The following DNAH8 variants were observed in gnomAD, a reference collection of about 807,000 sequenced individuals.
DNAH8 encodes axonemal beta dynein heavy chain 8.
In DNAH8, 382 loss-of-function variants were observed where a neutral mutation model predicts 562.1. That is an observed-to-expected ratio of 0.68 (90% CI 0.63 to 0.74). The LOEUF is 0.74. DNAH8 is among the 30% of genes least tolerant of loss of function. The probability of loss-of-function intolerance (pLI) is 0.00; values close to 1 mark genes in which losing one functional copy is unlikely to be tolerated. For missense variants in DNAH8, 5,203 were observed against 5,620.4 expected (o/e 0.93, Z 2.37); for synonymous variants, 1,881 against 1,919.4 (o/e 0.98, Z 0.52).
At chr6:38,783,622 ACTGTGT>A (rs1768857632) in intron 17 of DNAH8, among the ~76,000 whole-genome samples, 1 of 152,024 alleles carries the variant, frequency 6.6e-6, no homozygotes, top group African/African-American at 2.4e-5. Flanking sequence ...GTTTTAGTGC[ACTGTGT>A]CTGCGTGCCT....
intron 81 of DNAH8, among the ~76,000 whole-genome samples, 176 bp from the exon 82 acceptor site, chr6:38,951,142 G>T (rs1181821669): frequency 6.6e-6 from 1 of 152,160 alleles, no homozygotes; most frequent in African/African-American, 2.4e-5. Context: ...AAAACCACAC[G>T]ATTAAGTTTG....
At chr6:38,869,112 C>T (rs943804558) in intron 48 of DNAH8, among the ~76,000 whole-genome samples, 2 of 152,194 alleles carry the variant, frequency 1.3e-5, no homozygotes, top group South Asian at 2.1e-4. Context: ...ATTCTAGTTA[C>T]AAAAACTAAC....
intron 62 of DNAH8, among the ~76,000 whole-genome samples, chr6:38,903,612 CTTTTTTT>C (rs756414599): frequency 2.3e-5 from 3 of 129,444 alleles, no homozygotes; most frequent in Non-Finnish European, 4.8e-5. Context: ...TTCTTTCTTC[CTTTTTTT>C]TTTTTTTTTT....
chr6:38,872,465 C>T, intron 49 of DNAH8, 71 bp from the exon 50 acceptor site: 1 of 1,500,442 alleles, frequency 6.7e-7, no homozygotes, highest in Non-Finnish European at 9.1e-7. Flanking sequence ...CTTTAATCTT[C>T]AAGTAGCTAC....
At position 38,924,041 on chromosome 6, in the gene DNAH8, C is replaced by T. The variant is rs368846740; in HGVS notation, c.10841C>T (p.Pro3614Leu). Residue 3614 changes from proline (P) to leucine (L), a missense_variant, in exon 73 of 93, where the codon CCT becomes CTT. Pro to Leu is a moderately conservative substitution (Grantham distance 98, BLOSUM62 -3). This residue lies in a region of DNAH8 where 1,399 missense variants were observed against 1,518.4 expected (regional missense o/e 0.92). Transcript: ENST00000327475. ...LCTGFLSYLG[P>L]FNQIFRNYLL... Reference sequence around the variant, plus strand: ...ACGGGATTCCTTTCCTACCTTGGTCCTTTCAATCAGATATTTAGGAACTAT... The same window carrying T: ...ACGGGATTCCTTTCCTACCTTGGTCTTTTCAATCAGATATTTAGGAACTAT... 49 of 1,613,868 alleles carry T rather than the reference C, an allele frequency of 3.0e-5. No individual in the cohort carries two copies. In the African/African-American group the frequency reaches 5.7e-4, roughly 19 times the overall value.
intron 82 of DNAH8, among the ~76,000 whole-genome samples, chr6:38,961,573 CAAT>C (rs902954995): frequency 6.6e-6 from 1 of 151,894 alleles, no homozygotes; most frequent in African/African-American, 2.4e-5. Flanking sequence ...CTCATCACAA[CAAT>C]AAGAGAAAAA....
intron 26 of DNAH8, among the ~76,000 whole-genome samples, chr6:38,819,337 A>T (rs972293293): frequency 6.6e-6 from 1 of 152,174 alleles, no homozygotes; most frequent in African/African-American, 2.4e-5. Flanking sequence ...TTAGAGAGGT[A>T]CCTAGAGAGG....
chr6:38,778,412 A>G lies in DNAH8; in HGVS notation c.1987A>G (p.Ser663Gly). 6.3e-7 allele frequency: 1 copy of G among 1,583,718 alleles called. No homozygotes were observed. Among genetic ancestry groups the G allele is most frequent in the South Asian group, 1.1e-5 (1 of 89,482 alleles). ...GGTACAAATACAGGCATTTATGAAC[A>G]GTAGTTTTGGGAAAATCTTATCTTC... The part of the protein sequence containing the change: ...LEVQIQAFMN[S>G]SFGKILSSQQ... Residue 663 changes from serine (S) to glycine (G), a missense_variant, in exon 14 of 93, where the codon AGT becomes GGT. Ser to Gly is a moderately conservative substitution (Grantham distance 56, BLOSUM62 0). Coordinates refer to ENST00000327475, the MANE Select transcript of DNAH8 (RefSeq NM_001206927.2).
chr6:38,749,364 G>A (rs1765228122), intron 8 of DNAH8, among the ~76,000 whole-genome samples: 1 of 152,020 alleles, frequency 6.6e-6, no homozygotes, highest in Admixed American at 6.6e-5. Flanking sequence ...ACACACTGGA[G>A]CCTGTCAGGG....
rs924945215 is a variant in DNAH8 at position 38,741,695 on chromosome 6, A to T, written c.1117-16A>T. The T allele has an allele frequency of 1.9e-6, 3 of 1,566,866 alleles. No homozygotes were observed. The highest frequency in any genetic ancestry group is 2.6e-6 in the Non-Finnish European group (3 of 1,161,914). ...AATGTAACATTTCTATATTTTATAA[A>T]TTTTTTTGACTGCAGGTACTTATTG... On this transcript the variant is annotated splice_polypyrimidine_tract_variant and intron_variant, in intron 7 of 92. Transcript: ENST00000327475.
intron 21 of DNAH8, among the ~76,000 whole-genome samples, chr6:38,794,477 C>A (rs926400524): frequency 6.6e-6 from 1 of 152,120 alleles, no homozygotes; most frequent in African/African-American, 2.4e-5. Flanking sequence ...ATATGATACA[C>A]CCTTGTAACT....
rs1766296565 is a variant in DNAH8, at chr6:39,012,644, G to A, written c.13714+7G>A. The A allele has an allele frequency of 6.2e-7, 1 of 1,607,918 alleles. No homozygotes were observed. Among genetic ancestry groups the A allele is most frequent in the Middle Eastern group, 1.7e-4 (1 of 6,050 alleles). On this transcript the variant is annotated splice_region_variant and intron_variant, in intron 91 of 92. Coordinates refer to ENST00000327475, the MANE Select transcript of DNAH8 (RefSeq NM_001206927.2). ...GGTTTCTTTAATCCCCAAGGTATGT[G>A]CTCATAGGAGATTTGGCAAGCTTGG...
intron 56 of DNAH8, among the ~76,000 whole-genome samples, chr6:38,884,451 G>A (rs574267225): frequency 1.3e-5 from 2 of 152,066 alleles, no homozygotes; most frequent in African/African-American, 4.8e-5. Context: ...CCGCCACCAC[G>A]CCTGGCTAAT....
Position 38,760,975 on chromosome 6 carries a change from A to T in DNAH8, c.1516-727A>T, listed in dbSNP as rs113135827. On this transcript the variant is annotated intron_variant, in intron 10 of 92. Transcript: ENST00000327475. ...AATGGACTAACACACCTACCCATTC[A>T]ATTTATTCTCTCCCCTTGCATCTAA... is the stretch of plus-strand genomic sequence containing the variant. 3.8e-3 allele frequency among the ~76,000 whole-genome samples: 584 copies of T among 151,780 alleles called. 8 individuals are homozygous for T. Among genetic ancestry groups the T allele is most frequent in the African/African-American group, 0.014 (565 of 41,352 alleles).
chr6:38,853,287 C>T lies in DNAH8; in HGVS notation c.5673C>T (p.Phe1891=). Residue 1891 remains phenylalanine (F), a synonymous_variant, in exon 41 of 93, where the codon TTC becomes TTT. Coordinates refer to ENST00000327475, the MANE Select transcript of DNAH8 (RefSeq NM_001206927.2). ...SSLHNIIRSA[F]YQISDSGFQL... is the part of the protein sequence containing the mutation. ...TACATAATATAATTAGATCCGCTTTCTATCAAATCAGTGATTCAGGATTTC... is the reference window on the plus strand; with the variant it reads ...TACATAATATAATTAGATCCGCTTTTTATCAAATCAGTGATTCAGGATTTC... 6.2e-7 allele frequency: 1 copy of T among 1,613,404 alleles called. No homozygotes were observed. Among genetic ancestry groups the T allele is most frequent in the Non-Finnish European group, 8.5e-7 (1 of 1,179,712 alleles).
At chr6:38,897,779 A>G (rs1032893278) in intron 60 of DNAH8, among the ~76,000 whole-genome samples, 3 of 152,142 alleles carry the variant, frequency 2.0e-5, no homozygotes, top group African/African-American at 7.2e-5. Flanking sequence ...CCTTGACTCT[A>G]AAAAATAAAA....
At position 38,923,182 on chromosome 6, in the gene DNAH8, A is replaced by G. The variant is rs138878545; in HGVS notation, c.10787A>G (p.Asn3596Ser). Reference protein sequence around the residue: ...QQSKEFKAQINRLVGDILLCT... With the variant: ...QQSKEFKAQISRLVGDILLCT... ...AGTAAAGAATTCAAAGCTCAGATTA[A>G]TAGGTGGGAATCTGGGTCTTCTTCA... is the stretch of plus-strand genomic sequence containing the variant. The change falls in exon 72 of 93, where the codon AAT becomes AGT. Residue 3596 changes from asparagine to serine, a missense_variant. Asn to Ser is a conservative substitution (Grantham distance 46, BLOSUM62 1). This residue lies in a region of DNAH8 where 1,399 missense variants were observed against 1,518.4 expected (regional missense o/e 0.92). Coordinates refer to ENST00000327475, the MANE Select transcript of DNAH8 (RefSeq NM_001206927.2). The G allele has an allele frequency of 1.9e-6, 3 of 1,613,346 alleles. No individual in the cohort carries two copies. Among genetic ancestry groups the G allele is most frequent in the African/African-American group, 2.7e-5 (2 of 75,002 alleles).
chr6:38,870,890 C>T (rs966647664), intron 49 of DNAH8, among the ~76,000 whole-genome samples: 4 of 152,208 alleles, frequency 2.6e-5, no homozygotes, highest in Non-Finnish European at 4.4e-5. Flanking sequence ...ATAGTACTGG[C>T]TGCAGCTGGG....
chr6:38,980,087 T>A (rs1763927164), intron 85 of DNAH8, among the ~76,000 whole-genome samples: 1 of 152,080 alleles, frequency 6.6e-6, no homozygotes, highest in Admixed American at 6.6e-5. Context: ...CACCTCAATG[T>A]TTCTGAGTCC....
Sources: allele counts gnomAD v4.1 joint callset (sites outside exome capture counted in the v4.1 genomes callset), GRCh38; gene constraint gnomAD v4.1.1; regional missense constraint gnomAD v4.1.1; transcripts MANE v1.5; gene names NCBI Gene and HGNC (gene_info 2026-07-23, HGNC 2026-07-21).